Variants in CNTN5 observed in about 807,000 individuals in gnomAD.
The protein encoded by CNTN5 is contactin-5.
In CNTN5, 77 loss-of-function variants were observed where a neutral mutation model predicts 129.1. The ratio of observed to expected loss-of-function variants is 0.60; its 90% CI spans 0.50 to 0.72. CNTN5 has a LOEUF of 0.72. Among genes scored for constraint, CNTN5 ranks in the 30% least tolerant of loss-of-function variants. The pLI is 0.00. For synonymous variants in CNTN5, 509 were observed against 465.6 expected (o/e 1.09, Z -1.20); for missense variants, 1,478 against 1,328.8 (o/e 1.11, Z -1.75).
At chr11:99,310,503 C>G (rs959441010) in intron 1 of CNTN5, among the ~76,000 whole-genome samples, 2 of 151,898 alleles carry the variant, frequency 1.3e-5, no homozygotes, top group African/African-American at 4.8e-5. Flanking sequence ...TACAATTTAC[C>G]TTTTTGCCCT....
intron 8 of CNTN5, among the ~76,000 whole-genome samples, chr11:99,964,885 T>A (rs1299020645): frequency 6.6e-6 from 1 of 152,320 alleles, no homozygotes; most frequent in African/African-American, 2.4e-5. Flanking sequence ...TGGTTTAGTC[T>A]TGGGAGGGTG....
intron 4 of CNTN5, 73 bp from the exon 5 acceptor site, chr11:99,844,779 A>G: frequency 7.0e-7 from 1 of 1,431,954 alleles, no homozygotes; most frequent in Non-Finnish European, 9.5e-7. Context: ...TATAAGTAAG[A>G]TGGAAAAGAA....
chr11:99,981,220 T>C (rs1009094574), intron 8 of CNTN5, among the ~76,000 whole-genome samples: 8 of 151,526 alleles, frequency 5.3e-5, no homozygotes, highest in African/African-American at 1.9e-4. Context: ...GGAATGCTCA[T>C]AGTGTGGCTC....
At chr11:100,095,854 G>A (rs1944991781) in intron 13 of CNTN5, among the ~76,000 whole-genome samples, 1 of 152,022 alleles carries the variant, frequency 6.6e-6, no homozygotes, top group Admixed American at 6.6e-5. Context: ...CAGATAACAT[G>A]TCTCCATTAT....
At chr11:99,023,966 T>C (rs1312875828) in intron 1 of CNTN5, among the ~76,000 whole-genome samples, 1 of 152,174 alleles carries the variant, frequency 6.6e-6, no homozygotes, top group Admixed American at 6.6e-5. Context: ...AAGAACCGTG[T>C]TGTAAGGCTG....
At chr11:99,566,187 C>T (rs1225220318) in intron 3 of CNTN5, among the ~76,000 whole-genome samples, 2 of 151,964 alleles carry the variant, frequency 1.3e-5, no homozygotes, top group African/African-American at 4.8e-5. Context: ...GTTCTCACTC[C>T]GAATAACGTG....
chr11:99,336,774 G>A (rs959288387), intron 2 of CNTN5, among the ~76,000 whole-genome samples: 3 of 151,824 alleles, frequency 2.0e-5, no homozygotes, highest in African/African-American at 7.3e-5. Context: ...GTTGCAGTGA[G>A]CCTAGACCAC....
At chr11:99,193,162 C>T (rs1247999708) in intron 1 of CNTN5, among the ~76,000 whole-genome samples, 2 of 152,194 alleles carry the variant, frequency 1.3e-5, no homozygotes, top group East Asian at 3.9e-4. Context: ...TTATCAAATT[C>T]ACGTTTCTTA....
At chr11:99,884,254 A>G (rs1948841751) in intron 6 of CNTN5, among the ~76,000 whole-genome samples, 1 of 152,346 alleles carries the variant, frequency 6.6e-6, no homozygotes, top group East Asian at 1.9e-4. Flanking sequence ...TAAAAGATCA[A>G]AGAGAAAAAA....
At chr11:100,232,231 A>T (rs1949506004) in intron 16 of CNTN5, among the ~76,000 whole-genome samples, 1 of 152,202 alleles carries the variant, frequency 6.6e-6, no homozygotes, top group African/African-American at 2.4e-5. Context: ...GAGAAACATT[A>T]ACTTTGAAGA....
At chr11:100,000,452 C>T (rs753369258) in intron 8 of CNTN5, among the ~76,000 whole-genome samples, 41 of 152,190 alleles carry the variant, frequency 2.7e-4, no homozygotes, top group African/African-American at 6.3e-4. Context: ...AGAAGGCATA[C>T]GCTCCCAAGG....
intron 2 of CNTN5, among the ~76,000 whole-genome samples, chr11:99,483,244 G>C (rs2089168): frequency 6.7e-6 from 1 of 149,184 alleles, no homozygotes; most frequent in African/African-American, 2.5e-5. Flanking sequence ...GCACTTGGAA[G>C]AGGGCCAAGC....
intron 1 of CNTN5, among the ~76,000 whole-genome samples, chr11:99,093,958 T>C (rs952820710): frequency 6.6e-6 from 1 of 151,938 alleles, no homozygotes; most frequent in African/African-American, 2.4e-5. Context: ...TGTGAGGCAT[T>C]TGGAAATAAC....
chr11:99,139,728 C>A (rs1374313730), intron 1 of CNTN5, among the ~76,000 whole-genome samples: 3 of 152,032 alleles, frequency 2.0e-5, no homozygotes, highest in Admixed American at 2.0e-4. Flanking sequence ...AATAAAAATT[C>A]TTATTTGGCA....
chr11:99,278,158 G>A (rs1266787491), intron 1 of CNTN5, among the ~76,000 whole-genome samples: 1 of 151,550 alleles, frequency 6.6e-6, no homozygotes, highest in Admixed American at 6.6e-5. Context: ...TTAGCAAAAC[G>A]AGAATCTGTT....
intron 24 of CNTN5, among the ~76,000 whole-genome samples, chr11:100,352,384 T>C (rs945448316): frequency 1.3e-5 from 2 of 151,814 alleles, no homozygotes; most frequent in Non-Finnish European, 2.9e-5. Context: ...ACTGTGGTTA[T>C]ATTTTTAAAA....
rs562330567 is a variant in CNTN5, at chr11:99,535,968, T to A, written c.-70-20177T>A. Among the ~76,000 whole-genome samples the A allele has an allele frequency of 3.9e-5, 6 of 152,274 alleles. 1 individual carries two copies. In the South Asian group the frequency reaches 1.2e-3, roughly 32 times the overall value. On this transcript the variant is annotated intron_variant, in intron 2 of 24. Coordinates refer to ENST00000524871, the MANE Select transcript of CNTN5 (RefSeq NM_014361.4). The stretch of plus-strand genomic sequence containing the variant: ...TTTTGTTTTGAATATTGATCGTTGG[T>A]GGGTTGCTAGCCTTTCAGAAATAAA...
At chr11:99,558,362 A>T (rs1430856470) in intron 3 of CNTN5, 1 of 324,352 alleles carries the variant, frequency 3.1e-6, no homozygotes, top group East Asian at 8.6e-5. Context: ...TTTCAAAAGA[A>T]AGTTTTGTGT....
rs959770982 is a variant in CNTN5, at chr11:100,075,354, C to T, written c.1580+1060C>T. ...ATCACCTGGGATTGGGATGGGTCGT[C>T]GTTGGCACTCTTACACCAAAAGACC... On this transcript the variant is annotated intron_variant, in intron 13 of 24. Transcript: ENST00000524871. 3.3e-5 allele frequency among the ~76,000 whole-genome samples: 5 copies of T among 152,152 alleles called. No homozygotes were observed. The East Asian group carries it at 9.7e-4, about 29-fold the overall frequency.
Sources: allele counts gnomAD v4.1 joint callset (sites outside exome capture counted in the v4.1 genomes callset), GRCh38; gene constraint gnomAD v4.1.1; transcripts MANE v1.5; gene names NCBI Gene and HGNC (gene_info 2026-07-23, HGNC 2026-07-21).